Variants in GABRA1 observed in about 807,000 individuals in gnomAD.
The protein encoded by GABRA1 is gamma-aminobutyric acid receptor subunit alpha-1.
A neutral mutation model predicts 48.9 loss-of-function variants in GABRA1; 9 were observed. The observed-to-expected ratio is 0.18, with a 90% CI of 0.11 to 0.32. GABRA1 has a LOEUF of 0.32. Ranked by LOEUF, GABRA1 falls within the 10% of genes least tolerant of loss-of-function variation. The pLI is 1.00. For missense variants in GABRA1, 285 were observed against 553.8 expected (o/e 0.51, Z 4.87); for synonymous variants, 210 against 198.7 (o/e 1.06, Z -0.48).
intron 7 of GABRA1, 138 bp from the exon 8 acceptor site, chr5:161,890,760 T>A: frequency 1.3e-6 from 1 of 768,584 alleles, no homozygotes; most frequent in Non-Finnish European, 2.2e-6. Context: ...GGATAAAAAC[T>A]TTTCCCTCCA....
At chr5:161,879,599 T>C (rs1324854898) in intron 6 of GABRA1, among the ~76,000 whole-genome samples, 1 of 152,148 alleles carries the variant, frequency 6.6e-6, no homozygotes, top group Non-Finnish European at 1.5e-5. Context: ...AACAATAGGA[T>C]ATATCATCTT....
chr5:161,851,723 T>C (rs918142553), intron 2 of GABRA1, among the ~76,000 whole-genome samples: 4 of 152,160 alleles, frequency 2.6e-5, no homozygotes, highest in Non-Finnish European at 5.9e-5. Flanking sequence ...GAAAGACATA[T>C]GAATTTAGGA....
intron 6 of GABRA1, among the ~76,000 whole-genome samples, chr5:161,879,228 CCT>C (rs1754501524): frequency 6.6e-6 from 1 of 152,192 alleles, no homozygotes; most frequent in Non-Finnish European, 1.5e-5. Flanking sequence ...CGTACCTCAG[CCT>C]CCTGAGTAGC....
chr5:161,897,864 A>T lies in GABRA1; in HGVS notation c.*442A>T, dbSNP rs41311749. On this transcript the variant is annotated 3_prime_UTR_variant, in exon 10 of 10. Transcript: ENST00000393943. ...ATTATAAATGTTTCATGAAGAAAAA[A>T]TTTTAAAAATCTACGTCTTTATTAC... 6.4e-6 allele frequency: 1 copy of T among 156,836 alleles called. No individual in the cohort carries two copies. The highest frequency in any genetic ancestry group is 1.4e-5 in the Non-Finnish European group (1 of 71,146). 9.7% of individuals were successfully genotyped at this position (156,836 alleles called of 1,614,324 possible).
chr5:161,890,905 T>C lies in GABRA1; in HGVS notation c.711T>C (p.Tyr237=), dbSNP rs774587794. Residue 237 remains tyrosine, a synonymous_variant, in exon 8 of 10, where the codon TAT becomes TAC. Transcript: ENST00000393943. ...GTGTGTTTTACTTCTCAGGAGAATA[T>C]GTTGTTATGACCACTCATTTCCACT... ...SGIVQSSTGE[Y]VVMTTHFHLK... The C allele has an allele frequency of 4.3e-6, 7 of 1,613,518 alleles. No homozygotes were observed. Among genetic ancestry groups the C allele is most frequent in the Non-Finnish European group, 5.1e-6 (6 of 1,179,550 alleles).
chr5:161,885,927 G>A (rs1041040250), intron 7 of GABRA1, among the ~76,000 whole-genome samples: 1 of 152,236 alleles, frequency 6.6e-6, no homozygotes, highest in Non-Finnish European at 1.5e-5. Context: ...GCTTGAAGAA[G>A]AGAGATGAAA....
rs151113601 is a variant in GABRA1, at chr5:161,851,533, A to C, written c.74+649A>C. Among the ~76,000 whole-genome samples the C allele has an allele frequency of 3.1e-3, 476 of 152,270 alleles. 3 individuals are homozygous for C. The highest frequency in any genetic ancestry group is 0.01 in the African/African-American group (431 of 41,574). ...CCAATCAAGCATGTGAAATTAATATAATAGAAACTATTTACATGACTAAGT... is the reference window on the plus strand; with the variant it reads ...CCAATCAAGCATGTGAAATTAATATCATAGAAACTATTTACATGACTAAGT... On this transcript the variant is annotated intron_variant, in intron 2 of 9. Transcript: ENST00000393943.
rs909004879 is a variant in GABRA1 at position 161,875,504 on chromosome 5, T to C, written c.477-56T>C. ...CAGTTAATAACATTCCACTTGTACTTATCAAGAAGTATCTAATCTATATGG... is the reference window on the plus strand; with the variant it reads ...CAGTTAATAACATTCCACTTGTACTCATCAAGAAGTATCTAATCTATATGG... On this transcript the variant is annotated intron_variant, in intron 5 of 9. Coordinates refer to ENST00000393943, the MANE Select transcript of GABRA1 (RefSeq NM_001127644.2). 4.5e-6 allele frequency: 6 copies of C among 1,341,450 alleles called. No individual in the cohort carries two copies. The Admixed American group carries it at 5.0e-5, about 11-fold the overall frequency. The allele number at this position is 1,341,450 out of a possible 1,614,324, so 83.1% of individuals were successfully genotyped here.
intron 4 of GABRA1, among the ~76,000 whole-genome samples, chr5:161,871,095 T>C (rs1274180725): frequency 6.6e-6 from 1 of 152,052 alleles, no homozygotes; most frequent in Non-Finnish European, 1.5e-5. Flanking sequence ...ACAATAAACA[T>C]GTGAACATCA....
At chr5:161,884,887 A>G (rs956199654) in intron 7 of GABRA1, among the ~76,000 whole-genome samples, 5 of 152,190 alleles carry the variant, frequency 3.3e-5, no homozygotes, top group African/African-American at 1.2e-4. Context: ...AGGCTTAGTC[A>G]AAATAATGGA....
intron 1 of GABRA1, 93 bp from the exon 2 acceptor site, chr5:161,850,703 A>G (rs1465551298): frequency 2.0e-6 from 2 of 1,007,996 alleles, no homozygotes; most frequent in African/African-American, 3.2e-5. Flanking sequence ...CCTGACTTCA[A>G]AGCATTCATC....
intron 6 of GABRA1, 55 bp downstream of exon 6, chr5:161,875,697 C>T: frequency 1.6e-6 from 2 of 1,281,946 alleles, no homozygotes; most frequent in Non-Finnish European, 2.3e-6. Context: ...CAAGAGATCT[C>T]TAGCTATATC....
intron 7 of GABRA1, among the ~76,000 whole-genome samples, chr5:161,885,923 A>G (rs2113427133): frequency 6.6e-6 from 1 of 152,274 alleles, no homozygotes; most frequent in African/African-American, 2.4e-5. Context: ...CTGGGCTTGA[A>G]GAAGAGAGAT....
In GABRA1 at chr5:161,897,044, C is replaced by A. The variant is rs1755399275; in HGVS notation, c.1060-67C>A. The A allele has an allele frequency of 2.7e-6, 4 of 1,483,478 alleles. No individual in the cohort carries two copies. The Admixed American group carries it at 6.7e-5, about 25-fold the overall frequency. 91.9% of individuals were successfully genotyped at this position (1,483,478 alleles called of 1,614,324 possible). On this transcript the variant is annotated intron_variant, in intron 9 of 9. Transcript: ENST00000393943. ...AGGCTGCAAAATAAGGGCCACCTTG[C>A]TCAGCAACTTATAATTTTGCTTCTC...
At chr5:161,854,535 G>A (rs112228407) in intron 3 of GABRA1, among the ~76,000 whole-genome samples, 3 of 151,648 alleles carry the variant, frequency 2.0e-5, no homozygotes, top group African/African-American at 7.2e-5. Context: ...TCTGTGTAAC[G>A]ATTTTATCAT....
At chr5:161,873,454 T>C (rs1754212697) in intron 5 of GABRA1, 117 bp downstream of exon 5, 1 of 828,762 alleles carries the variant, frequency 1.2e-6, no homozygotes, top group Non-Finnish European at 2.0e-6. Context: ...TTTTTCAACC[T>C]TAACAATCTT....
At position 161,899,578 on chromosome 5, in the gene GABRA1, T is replaced by C. The variant is rs1429254180; in HGVS notation, c.*2156T>C. 1 of 151,718 alleles carries C rather than the reference T, an allele frequency of 6.6e-6. No homozygotes were observed. Among genetic ancestry groups the C allele is most frequent in the African/African-American group, 2.4e-5 (1 of 41,294 alleles). The allele number at this position is 151,718 out of a possible 1,614,324, so 9.4% of individuals were successfully genotyped here. ...CTGCTACGCAATGACTGCATTTCTATCATTTCTCAGTTTGTTAGTATATGT... is the reference window on the plus strand; with the variant it reads ...CTGCTACGCAATGACTGCATTTCTACCATTTCTCAGTTTGTTAGTATATGT... On this transcript the variant is annotated 3_prime_UTR_variant, in exon 10 of 10. Coordinates refer to ENST00000393943, the MANE Select transcript of GABRA1 (RefSeq NM_001127644.2).
chr5:161,883,093 C>T (rs1367857774), intron 7 of GABRA1, among the ~76,000 whole-genome samples: 1 of 152,128 alleles, frequency 6.6e-6, no homozygotes, highest in African/African-American at 2.4e-5. Flanking sequence ...ATCACAATTC[C>T]TGACCCATCA....
intron 1 of GABRA1, chr5:161,849,129 G>A (rs1757339905): frequency 3.4e-6 from 1 of 292,120 alleles, no homozygotes; most frequent in African/African-American, 2.3e-5. Flanking sequence ...TATTATGTTT[G>A]TATTTGCAAG....
Sources: allele counts gnomAD v4.1 joint callset (sites outside exome capture counted in the v4.1 genomes callset), GRCh38; gene constraint gnomAD v4.1.1; transcripts MANE v1.5; gene names NCBI Gene and HGNC (gene_info 2026-07-23, HGNC 2026-07-21).